The following THSD7B variants were observed in gnomAD, a reference collection of about 807,000 sequenced individuals.
THSD7B encodes the protein thrombospondin type-1 domain-containing protein 7B.
Under a neutral mutation model 213.6 loss-of-function variants are expected in THSD7B, and 138 were observed. The observed-to-expected ratio is 0.65, with a 90% CI of 0.56 to 0.74. The LOEUF is 0.74. THSD7B is among the 30% of genes least tolerant of loss of function. THSD7B has a pLI of 0.00. For missense variants in THSD7B, 1,931 were observed against 1,991.5 expected (o/e 0.97, Z 0.58); for synonymous variants, 742 against 687.0 (o/e 1.08, Z -1.25).
At chr2:137,637,309 T>C (rs770019944) in intron 20 of THSD7B, among the ~76,000 whole-genome samples, 5 of 152,226 alleles carry the variant, frequency 3.3e-5, no homozygotes, top group Non-Finnish European at 5.9e-5. Context: ...GGATACATTT[T>C]TGGTTCTTTA....
chr2:137,091,847 C>T (rs905498294), intron 3 of THSD7B, among the ~76,000 whole-genome samples: 3 of 152,166 alleles, frequency 2.0e-5, no homozygotes, highest in African/African-American at 7.2e-5. Context: ...CAGCCTATAA[C>T]AATTTCTGAA....
intron 5 of THSD7B, among the ~76,000 whole-genome samples, chr2:137,130,111 A>G (rs1459441222): frequency 6.6e-6 from 1 of 152,142 alleles, no homozygotes; most frequent in African/African-American, 2.4e-5. Context: ...AAGCAAGGGA[A>G]GGAGACAGCA....
At chr2:137,571,947 C>A (rs1318145005) in intron 16 of THSD7B, among the ~76,000 whole-genome samples, 1 of 151,730 alleles carries the variant, frequency 6.6e-6, no homozygotes, top group Non-Finnish European at 1.5e-5. Context: ...GGAAATTTTA[C>A]ATGGTATCAG....
At chr2:137,676,032 G>T (rs1683692375) in intron 27 of THSD7B, among the ~76,000 whole-genome samples, 1 of 152,144 alleles carries the variant, frequency 6.6e-6, no homozygotes, top group African/African-American at 2.4e-5. Flanking sequence ...GACCAGGTGA[G>T]AATGGCTTTG....
chr2:136,807,509 G>GTTCTTTTTTTT (rs1682303144), intron 1 of THSD7B, among the ~76,000 whole-genome samples: 1 of 104,896 alleles, frequency 9.5e-6, no homozygotes, highest in Non-Finnish European at 1.8e-5. Context: ...AAAATGTTTC[G>GTTCTTTTTTTT]TTTTTTTTTT....
chr2:137,184,747 A>G (rs1346795328), intron 7 of THSD7B, among the ~76,000 whole-genome samples: 1 of 152,164 alleles, frequency 6.6e-6, no homozygotes, highest in African/African-American at 2.4e-5. Context: ...AGAGAAGAAA[A>G]GAAAGCCAGA....
intron 15 of THSD7B, among the ~76,000 whole-genome samples, chr2:137,495,417 T>A (rs1000217912): frequency 4.6e-5 from 7 of 152,096 alleles, no homozygotes; most frequent in African/African-American, 1.4e-4. Context: ...CTTAACTCCC[T>A]CAATCTATCA....
rs1688098293 is a variant in THSD7B at position 137,099,141 on chromosome 2, A to G, written c.1199+4020A>G. On this transcript the variant is annotated intron_variant, in intron 4 of 27. Coordinates refer to ENST00000409968, the MANE Select transcript of THSD7B (RefSeq NM_001316349.2). Reference sequence around the variant, plus strand: ...AGGGAATGGACATGAGAGAGAGGATAAATTTGCTTGTCAGTTGCCACCTTG... The same window carrying G: ...AGGGAATGGACATGAGAGAGAGGATGAATTTGCTTGTCAGTTGCCACCTTG... 1.3e-5 allele frequency among the ~76,000 whole-genome samples: 2 copies of G among 152,116 alleles called. 1 individual carries two copies. The highest frequency in any genetic ancestry group is 4.2e-4 in the South Asian group (2 of 4,818).
chr2:136,890,302 TC>T (rs60850460), intron 2 of THSD7B, among the ~76,000 whole-genome samples: 9,305 of 18,818 alleles, frequency 0.49, 1,019 homozygotes, highest in East Asian at 0.88. Flanking sequence ...CATGTCCTAC[TC>T]CTTCTTCTTC....
At chr2:136,828,390 C>T (rs1021723214) in intron 1 of THSD7B, among the ~76,000 whole-genome samples, 13 of 152,186 alleles carry the variant, frequency 8.5e-5, no homozygotes, top group Admixed American at 8.5e-4. Flanking sequence ...CTCTCTCCCT[C>T]CCCACAGCCA....
At chr2:137,068,875 T>C (rs889873157) in intron 3 of THSD7B, among the ~76,000 whole-genome samples, 2 of 152,094 alleles carry the variant, frequency 1.3e-5, no homozygotes, top group Non-Finnish European at 2.9e-5. Context: ...ACTTCTATAA[T>C]GTAAACTCCT....
At chr2:137,172,559 C>T (rs977921315) in intron 7 of THSD7B, among the ~76,000 whole-genome samples, 1 of 152,192 alleles carries the variant, frequency 6.6e-6, no homozygotes, top group Non-Finnish European at 1.5e-5. Flanking sequence ...CCCTGTGCAT[C>T]TTTTCCTCAT....
intron 14 of THSD7B, among the ~76,000 whole-genome samples, chr2:137,438,516 CAT>C (rs1002261631): frequency 1.3e-5 from 2 of 151,992 alleles, no homozygotes; most frequent in African/African-American, 4.8e-5. Flanking sequence ...TGAAAGCAGT[CAT>C]AGGCAATGCA....
At chr2:137,551,174 T>C (rs886386265) in intron 15 of THSD7B, among the ~76,000 whole-genome samples, 3 of 152,118 alleles carry the variant, frequency 2.0e-5, no homozygotes, top group African/African-American at 7.2e-5. Context: ...AGGTCTGTTA[T>C]ATGCATATAT....
intron 15 of THSD7B, among the ~76,000 whole-genome samples, chr2:137,451,382 GT>G (rs2105066696): frequency 6.6e-6 from 1 of 151,706 alleles, no homozygotes; most frequent in African/African-American, 2.4e-5. Flanking sequence ...AAGTAATAAT[GT>G]TGGGAGAGTA....
chr2:136,852,861 C>T (rs549122155), intron 1 of THSD7B, among the ~76,000 whole-genome samples: 53 of 152,132 alleles, frequency 3.5e-4, no homozygotes, highest in African/African-American at 1.2e-3. Flanking sequence ...CATTAAATTT[C>T]TTCATGTGTT....
chr2:137,659,853 C>T, intron 25 of THSD7B, 107 bp downstream of exon 25: 1 of 1,005,528 alleles, frequency 9.9e-7, no homozygotes, highest in Non-Finnish European at 1.5e-6. Flanking sequence ...TTCCACGTGC[C>T]CATGATACCA....
At chr2:137,662,626 G>C (rs1229872540) in intron 25 of THSD7B, among the ~76,000 whole-genome samples, 2 of 152,178 alleles carry the variant, frequency 1.3e-5, no homozygotes, top group South Asian at 4.1e-4. Flanking sequence ...TTAATTCAAA[G>C]AAGATATGTA....
chr2:137,009,987 G>A (rs1001863969), intron 2 of THSD7B, among the ~76,000 whole-genome samples: 1 of 152,204 alleles, frequency 6.6e-6, no homozygotes, highest in Non-Finnish European at 1.5e-5. Context: ...CCATAAGGCT[G>A]TTCTTACCTA....
Sources: gnomAD v4.1 joint callset for allele counts (sites outside exome capture counted in the v4.1 genomes callset) on GRCh38, gnomAD v4.1.1 for gene constraint, MANE v1.5 for transcripts, NCBI Gene and HGNC (gene_info 2026-07-23, HGNC 2026-07-21) for gene names.